Variants in NAV2 observed in about 807,000 individuals in gnomAD.
The protein encoded by NAV2 is helicase, APC down-regulated 1.
NAV2 carries 54 observed loss-of-function variants against 223.2 expected under a neutral mutation model. The ratio of observed to expected loss-of-function variants is 0.24; its 90% CI spans 0.19 to 0.30. The LOEUF (loss-of-function observed/expected upper bound fraction) is 0.30. NAV2 is among the 10% of genes least tolerant of loss of function. The probability of loss-of-function intolerance (pLI) is 1.00; values close to 1 mark genes in which losing one functional copy is unlikely to be tolerated. For synonymous variants in NAV2, 1,279 were observed against 1,239.3 expected (o/e 1.03, Z -0.67); for missense variants, 2,806 against 3,147.5 (o/e 0.89, Z 2.60).
chr11:20,001,971 A>G (rs1053388847), intron 11 of NAV2, among the ~76,000 whole-genome samples: 1 of 152,200 alleles, frequency 6.6e-6, no homozygotes, highest in African/African-American at 2.4e-5. Flanking sequence ...GCTATAAGCA[A>G]CAGGCACTTC....
chr11:19,880,156 T>C, intron 5 of NAV2, 29 bp downstream of exon 5: 1 of 1,533,348 alleles, frequency 6.5e-7, no homozygotes, highest in Non-Finnish European at 8.8e-7. Context: ...CTGATGGTTC[T>C]GTTTTTCAGG....
chr11:19,492,255 G>A (rs918085222), intron 1 of NAV2, among the ~76,000 whole-genome samples: 1 of 151,826 alleles, frequency 6.6e-6, no homozygotes, highest in Non-Finnish European at 1.5e-5. Context: ...GCTAGACATA[G>A]GGTTGCCACA....
intron 1 of NAV2, among the ~76,000 whole-genome samples, chr11:19,561,504 A>G (rs2045097110): frequency 6.8e-6 from 1 of 147,860 alleles, no homozygotes; most frequent in Non-Finnish European, 1.5e-5. Flanking sequence ...TCAGCTATTT[A>G]GTACAATATA....
intron 1 of NAV2, among the ~76,000 whole-genome samples, chr11:19,700,042 A>T (rs181191047): frequency 3.9e-5 from 6 of 152,284 alleles, no homozygotes; most frequent in Non-Finnish European, 7.4e-5. Context: ...CCACACATTC[A>T]GATATATCCA....
chr11:19,722,780 G>T (rs1453559650), intron 1 of NAV2, among the ~76,000 whole-genome samples: 1 of 152,218 alleles, frequency 6.6e-6, no homozygotes, highest in Non-Finnish European at 1.5e-5. Flanking sequence ...GATGTGAACT[G>T]AGAAGGTCAT....
intron 11 of NAV2, among the ~76,000 whole-genome samples, chr11:20,009,397 A>G (rs112631300): frequency 2.6e-5 from 4 of 152,208 alleles, no homozygotes; most frequent in East Asian, 1.9e-4. Flanking sequence ...GTTGAACTCA[A>G]TGGTGTCTGA....
intron 1 of NAV2, among the ~76,000 whole-genome samples, chr11:19,791,563 A>G (rs1294978503): frequency 2.0e-5 from 3 of 152,172 alleles, no homozygotes; most frequent in Non-Finnish European, 4.4e-5. Flanking sequence ...TTGGTAGCAG[A>G]GTTGGGGTGC....
At chr11:20,018,655 G>A (rs2054221631) in intron 11 of NAV2, among the ~76,000 whole-genome samples, 1 of 152,182 alleles carries the variant, frequency 6.6e-6, no homozygotes, top group African/African-American at 2.4e-5. Flanking sequence ...CACATCAGCA[G>A]TGATTTAGGC....
chr11:20,016,083 A>G (rs2053981232), intron 11 of NAV2, among the ~76,000 whole-genome samples: 1 of 152,240 alleles, frequency 6.6e-6, no homozygotes, highest in Admixed American at 6.5e-5. Flanking sequence ...CTTAGAATTA[A>G]ATGAGATGAG....
At chr11:19,458,099 C>A (rs1852020321) in intron 1 of NAV2, among the ~76,000 whole-genome samples, 2 of 152,220 alleles carry the variant, frequency 1.3e-5, no homozygotes, top group South Asian at 4.1e-4. Flanking sequence ...CCTGCTTTCA[C>A]CAGTCTGCAA....
intron 1 of NAV2, among the ~76,000 whole-genome samples, chr11:19,351,976 AGTGTGT>A (rs59544307): frequency 4.5e-4 from 65 of 145,676 alleles, no homozygotes; most frequent in African/African-American, 1.4e-3. Flanking sequence ...TCTCTCTGTG[AGTGTGT>A]GTGTGTGTGT....
intron 1 of NAV2, among the ~76,000 whole-genome samples, chr11:19,657,791 G>A (rs952292423): frequency 6.6e-6 from 1 of 152,142 alleles, no homozygotes. Flanking sequence ...GTCTTGAGAG[G>A]ATGAGACAAG....
intron 26 of NAV2, among the ~76,000 whole-genome samples, chr11:20,087,168 G>T: frequency 6.6e-6 from 1 of 152,142 alleles, no homozygotes; most frequent in Non-Finnish European, 1.5e-5. Context: ...GAGGGAGTAG[G>T]AACGGGGCCA....
At position 20,049,818 on chromosome 11, in the gene NAV2, A is replaced by C. The variant is rs201290805; in HGVS notation, c.4371-18A>C. 1 of 1,612,802 alleles carries C rather than the reference A, an allele frequency of 6.2e-7. No individual in the cohort carries two copies. The highest frequency in any genetic ancestry group is 8.5e-7 in the Non-Finnish European group (1 of 1,179,002). Reference sequence around the variant, plus strand: ...GCTAACGTTCCTTCTCTTGTTTTCTACCTGCCTGGACTTCTAGCCCTCTCT... The same window carrying C: ...GCTAACGTTCCTTCTCTTGTTTTCTCCCTGCCTGGACTTCTAGCCCTCTCT... On this transcript the variant is annotated intron_variant, in intron 15 of 37. Coordinates refer to ENST00000349880, the MANE Select transcript of NAV2 (RefSeq NM_145117.5).
At chr11:19,683,247 G>T (rs1459027974) in intron 1 of NAV2, among the ~76,000 whole-genome samples, 1 of 152,208 alleles carries the variant, frequency 6.6e-6, no homozygotes, top group African/African-American at 2.4e-5. Flanking sequence ...AATGGGGAGG[G>T]CCAAGGAGAG....
At chr11:19,865,795 A>G (rs1034772808) in intron 3 of NAV2, among the ~76,000 whole-genome samples, 2 of 152,210 alleles carry the variant, frequency 1.3e-5, no homozygotes, top group Non-Finnish European at 2.9e-5. Context: ...GAAGAAAACA[A>G]TGGTGCCCTC....
At chr11:19,397,374 T>G (rs58385912) in intron 1 of NAV2, among the ~76,000 whole-genome samples, 56,428 of 150,996 alleles carry the variant, frequency 0.37, 10,844 homozygotes, top group East Asian at 0.53. Flanking sequence ...AGCTACTGTG[T>G]AGAGAATTGG....
At chr11:19,347,422 C>T (rs1000147914), upstream of NAV2, among the ~76,000 whole-genome samples, 2 of 152,202 alleles carry the variant, frequency 1.3e-5, no homozygotes, top group Non-Finnish European at 2.9e-5. Flanking sequence ...CCCACCCAAC[C>T]TCCCACCCCC....
chr11:19,911,097 T>C (rs2043276285), intron 6 of NAV2, among the ~76,000 whole-genome samples: 1 of 139,496 alleles, frequency 7.2e-6, no homozygotes, highest in Non-Finnish European at 1.5e-5. Flanking sequence ...CAAATATTTG[T>C]GAGCTGGAAG....
Sources: allele counts gnomAD v4.1 joint callset (sites outside exome capture counted in the v4.1 genomes callset), GRCh38; gene constraint gnomAD v4.1.1; transcripts MANE v1.5; gene names NCBI Gene and HGNC (gene_info 2026-07-23, HGNC 2026-07-21).